MUC6: variants seen among roughly 807,000 people sequenced by gnomAD.
The protein encoded by MUC6 is mucin-6.
A neutral mutation model predicts 201.5 loss-of-function variants in MUC6; 188 were observed. That is an observed-to-expected ratio of 0.93 (90% CI 0.83 to 1.05). The LOEUF (loss-of-function observed/expected upper bound fraction) is 1.05, where lower values mean the gene tolerates loss of function less well. Ranked by LOEUF, MUC6 falls within the 50% of genes least tolerant of loss-of-function variation. The pLI, the probability that MUC6 is intolerant of heterozygous loss-of-function variation, is 0.00. For synonymous variants in MUC6, 1,228 were observed against 1,389.4 expected (o/e 0.88, Z 2.58); for missense variants, 2,706 against 3,256.9 (o/e 0.83, Z 4.12).
chr11:1,019,247 G>A (rs1274666302), intron 30 of MUC6, 28 bp downstream of exon 30: 3 of 1,607,864 alleles, frequency 1.9e-6, no homozygotes, highest in South Asian at 1.1e-5. Flanking sequence ...CTTCGGCAGT[G>A]CTGGCATCCC....
At chr11:1,032,345 G>A (rs186547483) in intron 2 of MUC6, among the ~76,000 whole-genome samples, 2 of 152,228 alleles carry the variant, frequency 1.3e-5, no homozygotes, top group East Asian at 3.9e-4. Flanking sequence ...TACGTGTCAG[G>A]TGTGTCCATG....
chr11:1,024,427 ATGCTGTTC>A (rs1564839858), intron 24 of MUC6, among the ~76,000 whole-genome samples: 5 of 152,166 alleles, frequency 3.3e-5, no homozygotes, highest in Admixed American at 6.5e-5. Context: ...GGCCAGTGCC[ATGCTGTTC>A]CCCCGCGGGG....
At position 1,031,287 on chromosome 11, in the gene MUC6, C is replaced by CGGGGGCCA. The variant is rs962816736; in HGVS notation, c.484-36_484-29dup. The CGGGGGCCA allele has an allele frequency of 7.1e-6, 11 of 1,546,638 alleles. No homozygotes were observed. In the Admixed American group the frequency reaches 7.9e-5, roughly 11 times the overall value. On this transcript the variant is annotated intron_variant, in intron 4 of 32. Transcript: ENST00000421673. ...GCGGGAGACGGCTCTGCTGGGGGCC[C>CGGGGGCCA]GGGGGCCAGGGGCCCCCTCATCTGC...
At chr11:1,014,143 G>A in intron 31 of MUC6, 142 bp from the exon 32 acceptor site, 3 of 696,064 alleles carry the variant, frequency 4.3e-6, no homozygotes, top group Non-Finnish European at 7.2e-6. Context: ...GAGCCCCACA[G>A]AGCTCAGACC....
chr11:1,031,395 G>C (rs56263729), intron 4 of MUC6, 136 bp from the exon 5 acceptor site: 852,428 of 1,138,202 alleles, frequency 0.75, 321,030 homozygotes, highest in Middle Eastern at 0.87. Flanking sequence ...CTTATGGGAG[G>C]CTAATTTTCC....
At chr11:1,032,089 C>T (rs1195015037) in intron 2 of MUC6, 36 bp from the exon 3 acceptor site, 3 of 1,603,220 alleles carry the variant, frequency 1.9e-6, no homozygotes, top group Non-Finnish European at 2.6e-6. Context: ...GCCCTGTGTC[C>T]CCACCATCCT....
rs779543328 is a variant in MUC6, at chr11:1,024,037, A to G, written c.3292T>C (p.Cys1098Arg). The G allele has an allele frequency of 5.8e-5, 93 of 1,611,000 alleles. No homozygotes were observed. Among genetic ancestry groups the G allele is most frequent in the Non-Finnish European group, 7.6e-5 (90 of 1,179,326 alleles). ...DACGCDSGGD[C>R]ECLCDAVAAY... ...GCCACGGCATCGCACAGACACTCAC[A>G]GTCCCCGCCACTGTCACACCCACAT... The change falls in exon 25 of 33, where the codon TGT becomes CGT. Residue 1098 changes from cysteine (C) to arginine (R), a missense_variant. By Grantham distance (180) the Cys-to-Arg change is radical. This residue lies in a region of MUC6 where 1,850 missense variants were observed against 1,958.3 expected (regional missense o/e 0.94). Coordinates refer to ENST00000421673, the MANE Select transcript of MUC6 (RefSeq NM_005961.3).
chr11:1,024,012 G>A lies in MUC6; in HGVS notation c.3317C>T (p.Ala1106Val). ...GTCCAGACAGGCTTGGGCGTAGGCA[G>A]CCACGGCATCGCACAGACACTCACA... The part of the protein sequence containing the change: ...GDCECLCDAV[A>V]AYAQACLDKG... Residue 1106 changes from alanine (A) to valine (V), a missense_variant, in exon 25 of 33, where the codon GCT (alanine) becomes GTT (valine). Coordinates refer to ENST00000421673, the MANE Select transcript of MUC6 (RefSeq NM_005961.3). The A allele has an allele frequency of 6.2e-7, 1 of 1,612,018 alleles. No homozygotes were observed. The highest frequency in any genetic ancestry group is 8.5e-7 in the Non-Finnish European group (1 of 1,179,600).
In MUC6 at chr11:1,013,471, C is replaced by T; in HGVS notation, c.7305G>A (p.Val2435=). The T allele has an allele frequency of 2.5e-6, 4 of 1,583,216 alleles. 1 individual carries two copies. Among genetic ancestry groups the T allele is most frequent in the South Asian group, 2.3e-5 (2 of 86,440 alleles). The change falls in exon 33 of 33, where the codon GTG becomes GTA. Residue 2435 remains valine (V), a synonymous_variant. Transcript: ENST00000421673. ...QVFSHCVCSS[V]ACGD is the part of the protein sequence containing the mutation. ...AGCGACCCTGCTAGTCTCCACAGGC[C>T]ACAGAGCTGCACACGCAGTGGCTGA...
In MUC6 at chr11:1,013,878, GCCTC is replaced by G. The variant is rs760969401; in HGVS notation, c.7142+17_7142+20del. 3 of 1,588,830 alleles carry G rather than the reference GCCTC, an allele frequency of 1.9e-6. No individual in the cohort carries two copies. Among genetic ancestry groups the G allele is most frequent in the Non-Finnish European group, 1.7e-6 (2 of 1,169,282 alleles). On this transcript the variant is annotated intron_variant, in intron 32 of 32. Transcript: ENST00000421673. ...GAGCACCTTGGTGGACGTGGGGCAG[GCCTC>G]CCACCTGTGGACTCACCTGGCAGCG...
rs749931778 is a variant in MUC6 at position 1,015,810 on chromosome 11, C to T, written c.6991G>A (p.Ala2331Thr). The change falls in exon 31 of 33, where the codon GCT becomes ACT. Residue 2331 changes from alanine to threonine, a missense_variant. By Grantham distance (58) the Ala-to-Thr change is moderately conservative. Coordinates refer to ENST00000421673, the MANE Select transcript of MUC6 (RefSeq NM_005961.3). ...SSLTAHGSTP[A>T]SAPVSSLGTP... is the part of the protein sequence containing the mutation. ...CCGAGAGAAGATACCGGGGCAGAAG[C>T]AGGGGTGCTTCCATGGGCAGTGAGG... is the stretch of plus-strand genomic sequence containing the variant. 1.3e-6 allele frequency: 2 copies of T among 1,563,324 alleles called. No individual in the cohort carries two copies. The highest frequency in any genetic ancestry group is 3.7e-5 in the Admixed American group (2 of 54,468).
chr11:1,016,366 C>T lies in MUC6; in HGVS notation c.6435G>A (p.Val2145=), dbSNP rs1229673252. 8.1e-6 allele frequency: 13 copies of T among 1,611,508 alleles called. No individual in the cohort carries two copies. Among genetic ancestry groups the T allele is most frequent in the Admixed American group, 1.7e-5 (1 of 59,470 alleles). ...PSAPSTVSSY[V]PSSHSSPQTS... is the part of the protein sequence containing the mutation. ...TCTGGGGAGAGGAGTGGGAGGAGGG[C>T]ACATAAGAAGAAACAGTAGAGGGGG... is the stretch of plus-strand genomic sequence containing the variant. The change falls in exon 31 of 33, where the codon GTG becomes GTA. Residue 2145 remains valine, a synonymous_variant. Coordinates refer to ENST00000421673, the MANE Select transcript of MUC6 (RefSeq NM_005961.3).
At position 1,028,261 on chromosome 11, in the gene MUC6, C is replaced by T. The variant is rs368741950; in HGVS notation, c.1718G>A (p.Arg573His). 23 of 1,593,172 alleles carry T rather than the reference C, an allele frequency of 1.4e-5. No homozygotes were observed. The highest frequency in any genetic ancestry group is 4.6e-5 in the East Asian group (2 of 43,586). ...GCTCATGGAGCAGGGGTCAGTCTCA[C>T]GCTCCAGAGCGGCCGGACAGTTCCC... is the stretch of plus-strand genomic sequence containing the variant. ...RAGNCPAALE[R>H]ETDPCSMSQL... The change falls in exon 14 of 33, where the codon CGT becomes CAT. Residue 573 changes from arginine (R) to histidine (H), a missense_variant. By Grantham distance (29) the Arg-to-His change is conservative. Transcript: ENST00000421673.
At chr11:1,029,976 G>A (rs1049570304) in intron 8 of MUC6, among the ~76,000 whole-genome samples, 20 of 152,206 alleles carry the variant, frequency 1.3e-4, no homozygotes, top group Admixed American at 2.0e-4. Flanking sequence ...CTCCTAGACC[G>A]CAGTGAGCAG....
intron 1 of MUC6, among the ~76,000 whole-genome samples, chr11:1,035,549 C>T (rs1483628619): frequency 6.6e-6 from 1 of 151,854 alleles, no homozygotes; most frequent in African/African-American, 2.4e-5. Context: ...AAGGGTGGTG[C>T]CCGGCGTGGT....
Position 1,032,072 on chromosome 11 carries a change from T to C in MUC6, c.116-19A>G, listed in dbSNP as rs779585521. 1.2e-6 allele frequency: 2 copies of C among 1,611,122 alleles called. No homozygotes were observed. Among genetic ancestry groups the C allele is most frequent in the Non-Finnish European group, 8.5e-7 (1 of 1,178,700 alleles). On this transcript the variant is annotated intron_variant, in intron 2 of 32. Coordinates refer to ENST00000421673, the MANE Select transcript of MUC6 (RefSeq NM_005961.3). Reference sequence around the variant, plus strand: ...TCCGGGGCTACAGAGAGAGCAGTGCTCACACAGCCCTGTGTCCCCACCATC... The same window carrying C: ...TCCGGGGCTACAGAGAGAGCAGTGCCCACACAGCCCTGTGTCCCCACCATC...
chr11:1,023,994 C>G lies in MUC6; in HGVS notation c.3335G>C (p.Cys1112Ser). The G allele has an allele frequency of 6.2e-7, 1 of 1,612,534 alleles. No homozygotes were observed. The highest frequency in any genetic ancestry group is 8.5e-7 in the Non-Finnish European group (1 of 1,179,666). Reference sequence around the variant, plus strand: ...GTCCACGCACACACCCTTGTCCAGACAGGCTTGGGCGTAGGCAGCCACGGC... The same window carrying G: ...GTCCACGCACACACCCTTGTCCAGAGAGGCTTGGGCGTAGGCAGCCACGGC... ...CDAVAAYAQACLDKGVCVDWR... is the reference protein window; with the variant it reads ...CDAVAAYAQASLDKGVCVDWR... The change falls in exon 25 of 33, where the codon TGT becomes TCT. Residue 1112 changes from cysteine to serine, a missense_variant. Coordinates refer to ENST00000421673, the MANE Select transcript of MUC6 (RefSeq NM_005961.3).
intron 31 of MUC6, among the ~76,000 whole-genome samples, chr11:1,014,510 C>T (rs540910396): frequency 2.3e-4 from 35 of 152,136 alleles, no homozygotes; most frequent in Middle Eastern, 3.4e-3. Flanking sequence ...CTGGAAGGGG[C>T]GGGGTGGGGG....
chr11:1,031,215 G>A lies in MUC6; in HGVS notation c.528C>T (p.Cys176=), dbSNP rs374398051. The change falls in exon 5 of 33, where the codon TGC becomes TGT. Residue 176 remains cysteine, a synonymous_variant. Coordinates refer to ENST00000421673, the MANE Select transcript of MUC6 (RefSeq NM_005961.3). ...RKYMGQMCGL[C]GNFDGKVTNE... Reference sequence around the variant, plus strand: ...TGGTCACCTTCCCGTCAAAGTTCCCGCAGAGCCCGCACATCTGACCCATGT... The same window carrying A: ...TGGTCACCTTCCCGTCAAAGTTCCCACAGAGCCCGCACATCTGACCCATGT... 2.8e-4 allele frequency: 444 copies of A among 1,578,832 alleles called. No individual in the cohort carries two copies. The highest frequency in any genetic ancestry group is 3.6e-4 in the Non-Finnish European group (423 of 1,164,288).
Sources: gnomAD v4.1 joint callset for allele counts (sites outside exome capture counted in the v4.1 genomes callset) on GRCh38, gnomAD v4.1.1 for gene constraint, gnomAD v4.1.1 regional missense constraint, MANE v1.5 for transcripts, NCBI Gene and HGNC (gene_info 2026-07-23, HGNC 2026-07-21) for gene names.